The following MDFIC variants were observed in gnomAD, a reference collection of about 807,000 sequenced individuals.
The protein encoded by MDFIC is MyoD family inhibitor domain containing.
A neutral mutation model predicts 23.2 loss-of-function variants in MDFIC; 17 were observed. The observed-to-expected ratio is 0.73, with a 90% confidence interval of 0.50 to 1.10. The LOEUF is 1.10. Among genes scored for constraint, MDFIC ranks in the 50% least tolerant of loss-of-function variants. The pLI is 0.00. For synonymous variants in MDFIC, 120 were observed against 115.2 expected, an observed-to-expected ratio of 1.04 and a Z score of -0.27; for missense variants, 356 against 316.6, an observed-to-expected ratio of 1.12 and a Z score of -0.95.
At chr7:114,960,526 G>A (rs1392091701) in intron 3 of MDFIC, among the ~76,000 whole-genome samples, 1 of 152,046 alleles carries the variant, frequency 6.6e-6, no homozygotes, top group African/African-American at 2.4e-5. Context: ...TTCTACATAT[G>A]AGGAAATGAG....
intron 4 of MDFIC, among the ~76,000 whole-genome samples, chr7:114,980,722 C>T (rs1793403451): frequency 6.6e-6 from 1 of 152,082 alleles, no homozygotes; most frequent in Non-Finnish European, 1.5e-5. Flanking sequence ...TCTCCTTATT[C>T]CCCTTTCCTT....
At chr7:114,953,008 G>A (rs2115822127) in intron 3 of MDFIC, among the ~76,000 whole-genome samples, 1 of 152,256 alleles carries the variant, frequency 6.6e-6, no homozygotes, top group African/African-American at 2.4e-5. Context: ...TATTCTTTGT[G>A]AGTTGGGTTC....
At chr7:114,957,994 TA>T (rs1449813741) in intron 3 of MDFIC, among the ~76,000 whole-genome samples, 1 of 152,186 alleles carries the variant, frequency 6.6e-6, no homozygotes, top group Non-Finnish European at 1.5e-5. Flanking sequence ...ACTCTTTTAT[TA>T]AAAAATGAGT....
chr7:115,005,700 A>T (rs758092831), intron 4 of MDFIC, among the ~76,000 whole-genome samples: 6 of 152,272 alleles, frequency 3.9e-5, no homozygotes, highest in South Asian at 2.1e-4. Context: ...ATGTTCATAG[A>T]TCGTTTTTAG....
intron 3 of MDFIC, among the ~76,000 whole-genome samples, chr7:114,966,841 T>C (rs1793106930): frequency 6.6e-6 from 1 of 152,088 alleles, no homozygotes; most frequent in African/African-American, 2.4e-5. Flanking sequence ...CTGGGAAGCA[T>C]GGTTAGTAGC....
At position 114,922,373 on chromosome 7, in the gene MDFIC, C is replaced by A; in HGVS notation, c.-371C>A. 3 of 1,230,298 alleles carry A rather than the reference C, an allele frequency of 2.4e-6. No individual in the cohort carries two copies. Among genetic ancestry groups the A allele is most frequent in the Non-Finnish European group, 3.0e-6 (3 of 984,698 alleles). The allele number at this position is 1,230,298 out of a possible 1,614,324, so 76.2% of individuals were successfully genotyped here. A position where few individuals can be genotyped will look rare whatever the true frequency, so the allele number is the denominator to read the frequency against. On this transcript the variant is annotated 5_prime_UTR_variant, in exon 1 of 5. Coordinates refer to ENST00000393486, the MANE Select transcript of MDFIC (RefSeq NM_001166345.3). Reference sequence around the variant, plus strand: ...GGCAGAGAGGGGGAAGGCCCCCTCGCAGGGGAGCCGGCTGGAGTGAGCTGG... The same window carrying A: ...GGCAGAGAGGGGGAAGGCCCCCTCGAAGGGGAGCCGGCTGGAGTGAGCTGG...
In MDFIC at chr7:114,997,734, T is replaced by C. The variant is rs184918572; in HGVS notation, c.493+17953T>C. ...CTGCACTCCAGGCTGGGCAACAGAG[T>C]GCATGACCCTGCATCTAAACAGAAA... On this transcript the variant is annotated intron_variant, in intron 4 of 4. Transcript: ENST00000393486. Among the ~76,000 whole-genome samples, 748 of 137,546 alleles carry C rather than the reference T, an allele frequency of 5.4e-3. 3 individuals carry two copies. The highest frequency in any genetic ancestry group is 0.019 in the African/African-American group (685 of 36,166). The allele number at this position is 137,546 out of a possible 152,430, so 90.2% of individuals were successfully genotyped here. A position where few individuals can be genotyped will look rare whatever the true frequency, so the allele number is the denominator to read the frequency against.
intron 3 of MDFIC, among the ~76,000 whole-genome samples, chr7:114,955,562 G>A (rs1290464175): frequency 2.6e-5 from 4 of 152,142 alleles, no homozygotes; most frequent in African/African-American, 9.7e-5. Context: ...GTCTCATTCA[G>A]CTCTGTAGAC....
intron 2 of MDFIC, among the ~76,000 whole-genome samples, chr7:114,927,517 A>G (rs76859146): frequency 0.14 from 21,499 of 152,082 alleles, 1,646 homozygotes; most frequent in East Asian, 0.27. Context: ...ATTTATTTTC[A>G]TAATTATATG....
At chr7:114,946,577 T>G (rs1365008080) in intron 3 of MDFIC, among the ~76,000 whole-genome samples, 2 of 152,224 alleles carry the variant, frequency 1.3e-5, no homozygotes, top group Admixed American at 6.5e-5. Flanking sequence ...CCTTTGTGAT[T>G]TTATAGAATT....
At chr7:114,927,298 T>C (rs1473021760) in intron 2 of MDFIC, among the ~76,000 whole-genome samples, 1 of 150,122 alleles carries the variant, frequency 6.7e-6, no homozygotes, top group African/African-American at 2.5e-5. Context: ...AAGGATATGT[T>C]ATAGTGATAG....
rs750921111 is a variant in MDFIC, at chr7:114,922,942, T to C, written c.-92T>C. Reference sequence around the variant, plus strand: ...TTTCCGCCAGAAGCAGTCAGTTCCCTGCACCCAGCACCTCACAGCCCTTCC... The same window carrying C: ...TTTCCGCCAGAAGCAGTCAGTTCCCCGCACCCAGCACCTCACAGCCCTTCC... On this transcript the variant is annotated 5_prime_UTR_variant, in exon 2 of 5. Coordinates refer to ENST00000393486, the MANE Select transcript of MDFIC (RefSeq NM_001166345.3). The C allele has an allele frequency of 5.0e-6, 8 of 1,591,592 alleles. No individual in the cohort carries two copies. Among genetic ancestry groups the C allele is most frequent in the Non-Finnish European group, 6.0e-6 (7 of 1,169,628 alleles).
At chr7:115,005,239 A>G (rs1193524822) in intron 4 of MDFIC, among the ~76,000 whole-genome samples, 2 of 152,234 alleles carry the variant, frequency 1.3e-5, no homozygotes, top group Non-Finnish European at 1.5e-5. Context: ...CAAGACCAGA[A>G]AGCTGGTTTT....
chr7:115,015,739 T>C lies in MDFIC; in HGVS notation c.545T>C (p.Leu182Pro). 1 of 1,614,214 alleles carries C rather than the reference T, an allele frequency of 6.2e-7. No individual in the cohort carries two copies. The highest frequency in any genetic ancestry group is 8.5e-7 in the Non-Finnish European group (1 of 1,180,038). The stretch of plus-strand genomic sequence containing the variant: ...TGCTTGTTCTGCGAATTCCTGACCC[T>C]TTGCAACATTGTCCTGGGACAAGCG... ...LACLFCEFLT[L>P]CNIVLGQASC... The change falls in exon 5 of 5, where the codon CTT becomes CCT. Residue 182 changes from leucine (L) to proline (P), a missense_variant. Leu to Pro is a moderately conservative substitution (Grantham distance 98). Transcript: ENST00000393486.
intron 3 of MDFIC, among the ~76,000 whole-genome samples, chr7:114,966,514 C>T (rs1341167615): frequency 1.3e-5 from 2 of 151,830 alleles, no homozygotes; most frequent in African/African-American, 2.4e-5. Context: ...TTTTGAAGCA[C>T]CAACCTGCAC....
In MDFIC at chr7:115,017,641, G is replaced by A. The variant is rs1208354843; in HGVS notation, c.*1706G>A. 24 of 152,306 alleles carry A rather than the reference G, an allele frequency of 1.6e-4. No homozygotes were observed. Among genetic ancestry groups the A allele is most frequent in the Admixed American group, 1.6e-3 (24 of 15,244 alleles). The allele number at this position is 152,306 out of a possible 1,614,324, so 9.4% of individuals were successfully genotyped here. ...AAATCAGTCAATTACAAGAGTAATT[G>A]TATAGTTATTGAGACCTATAGTGTG... On this transcript the variant is annotated 3_prime_UTR_variant, in exon 5 of 5. Coordinates refer to ENST00000393486, the MANE Select transcript of MDFIC (RefSeq NM_001166345.3).
chr7:115,009,896 C>T (rs944866366), intron 4 of MDFIC, among the ~76,000 whole-genome samples: 1 of 152,218 alleles, frequency 6.6e-6, no homozygotes, highest in African/African-American at 2.4e-5. Flanking sequence ...TTTACAGTAG[C>T]TGCCAGTCTT....
intron 4 of MDFIC, among the ~76,000 whole-genome samples, chr7:114,981,859 A>T (rs1157819088): frequency 1.3e-5 from 2 of 152,200 alleles, no homozygotes; most frequent in African/African-American, 4.8e-5. Context: ...TCTGACTTTC[A>T]GTTTTGAAGT....
At chr7:114,951,345 GAA>G (rs77532545) in intron 3 of MDFIC, among the ~76,000 whole-genome samples, 38 of 148,526 alleles carry the variant, frequency 2.6e-4, no homozygotes, top group Non-Finnish European at 4.0e-4. Context: ...GAAATGAATG[GAA>G]AAAAAAAATA....
Sources: allele counts gnomAD v4.1 joint callset (sites outside exome capture counted in the v4.1 genomes callset), GRCh38; gene constraint gnomAD v4.1.1; transcripts MANE v1.5; gene names NCBI Gene and HGNC (gene_info 2026-07-23, HGNC 2026-07-21).